GALNT13: variants seen among roughly 807,000 people sequenced by gnomAD.
GALNT13 encodes the protein polypeptide N-acetylgalactosaminyltransferase 13.
Under a neutral mutation model 64.2 loss-of-function variants are expected in GALNT13, and 28 were observed. The observed-to-expected ratio is 0.44, with a 90% confidence interval of 0.32 to 0.60. The LOEUF is 0.60. Among genes scored for constraint, GALNT13 ranks in the 20% least tolerant of loss-of-function variants. The pLI, the probability that GALNT13 is intolerant of heterozygous loss-of-function variation, is 0.05. For synonymous variants in GALNT13, 214 were observed against 224.6 expected (o/e 0.95, Z 0.42); for missense variants, 577 against 669.8 (o/e 0.86, Z 1.53).
At chr2:153,737,034 G>A in the GALNT13 span, among the ~76,000 whole-genome samples, 1 of 152,182 alleles carries the variant, frequency 6.6e-6, no homozygotes, top group Non-Finnish European at 1.5e-5. Context: ...ATTCTATGTT[G>A]TTCTATCATC....
At chr2:153,572,312 A>G in the GALNT13 span, among the ~76,000 whole-genome samples, 1 of 147,698 alleles carries the variant, frequency 6.8e-6, no homozygotes, top group African/African-American at 2.5e-5. Context: ...TCTGTTTTCA[A>G]CTCTGATTTT....
intron 3 of GALNT13, among the ~76,000 whole-genome samples, chr2:154,031,908 A>T (rs913833826): frequency 2.0e-5 from 3 of 152,100 alleles, no homozygotes; most frequent in Admixed American, 2.0e-4. Context: ...AATAAGCACG[A>T]TCAGCCAATT....
At chr2:153,411,268 T>G in the GALNT13 span, among the ~76,000 whole-genome samples, 11 of 151,932 alleles carry the variant, frequency 7.2e-5, no homozygotes, top group Non-Finnish European at 1.5e-5. Context: ...TGAATACCTG[T>G]TCCATGCCCA....
chr2:154,258,118 A>T (rs1479368712), intron 7 of GALNT13, among the ~76,000 whole-genome samples: 2 of 152,186 alleles, frequency 1.3e-5, no homozygotes, highest in African/African-American at 4.8e-5. Flanking sequence ...CATTGCCATT[A>T]TGGATCTATT....
the GALNT13 span, among the ~76,000 whole-genome samples, chr2:153,501,354 T>C: frequency 6.6e-6 from 1 of 152,100 alleles, no homozygotes; most frequent in Non-Finnish European, 1.5e-5. Context: ...TTTTTTGAGA[T>C]GGAGTCGCCC....
chr2:153,452,687 T>A, the GALNT13 span, among the ~76,000 whole-genome samples: 16 of 152,050 alleles, frequency 1.1e-4, no homozygotes, highest in African/African-American at 3.9e-4. Flanking sequence ...ACTGTTAAGA[T>A]GTTCATACTG....
At chr2:153,651,034 A>T in the GALNT13 span, among the ~76,000 whole-genome samples, 1 of 152,170 alleles carries the variant, frequency 6.6e-6, no homozygotes, top group Non-Finnish European at 1.5e-5. Flanking sequence ...ATGGGCATAA[A>T]GTCTGTTATT....
At chr2:153,643,984 T>C in the GALNT13 span, among the ~76,000 whole-genome samples, 1 of 151,970 alleles carries the variant, frequency 6.6e-6, no homozygotes, top group Non-Finnish European at 1.5e-5. Context: ...TAACATTCTC[T>C]TTAATATCAG....
At chr2:154,148,894 G>A (rs1288887446) in intron 4 of GALNT13, among the ~76,000 whole-genome samples, 7 of 152,020 alleles carry the variant, frequency 4.6e-5, no homozygotes, top group Non-Finnish European at 1.0e-4. Context: ...TCACTCTGAT[G>A]GTAGTTTCTT....
At chr2:154,206,378 GAA>G (rs1490438490) in intron 4 of GALNT13, among the ~76,000 whole-genome samples, 11 of 152,036 alleles carry the variant, frequency 7.2e-5, no homozygotes, top group African/African-American at 2.7e-4. Context: ...TATCTAGAGA[GAA>G]AGAGACAAAT....
At chr2:154,315,864 C>T (rs998751585) in intron 9 of GALNT13, among the ~76,000 whole-genome samples, 7 of 152,022 alleles carry the variant, frequency 4.6e-5, no homozygotes, top group Admixed American at 2.0e-4. Context: ...TGTATCAAAC[C>T]GGATCACAAG....
At chr2:153,807,957 A>G in the GALNT13 span, among the ~76,000 whole-genome samples, 1 of 152,128 alleles carries the variant, frequency 6.6e-6, no homozygotes, top group Admixed American at 6.5e-5. Context: ...ATAAATGCCT[A>G]GCTAAGTTAC....
At chr2:153,775,285 T>C in the GALNT13 span, among the ~76,000 whole-genome samples, 5 of 152,168 alleles carry the variant, frequency 3.3e-5, no homozygotes, top group Admixed American at 6.5e-5. Context: ...TTGGATACCA[T>C]ACATTGATAG....
chr2:153,281,599 C>T, the GALNT13 span, among the ~76,000 whole-genome samples: 1 of 152,090 alleles, frequency 6.6e-6, no homozygotes, highest in Non-Finnish European at 1.5e-5. Flanking sequence ...AAACAAATTC[C>T]CTTAGTTCTT....
At chr2:153,528,964 A>G in the GALNT13 span, among the ~76,000 whole-genome samples, 1 of 151,992 alleles carries the variant, frequency 6.6e-6, no homozygotes, top group Admixed American at 6.5e-5. Context: ...ACTTACATCA[A>G]AAAAATTAGA....
At chr2:153,224,193 A>G in the GALNT13 span, among the ~76,000 whole-genome samples, 2 of 152,214 alleles carry the variant, frequency 1.3e-5, no homozygotes, top group African/African-American at 4.8e-5. Context: ...GGCCATTATC[A>G]TAGGTGAATA....
At chr2:153,747,906 C>T in the GALNT13 span, among the ~76,000 whole-genome samples, 1 of 152,172 alleles carries the variant, frequency 6.6e-6, no homozygotes, top group South Asian at 2.1e-4. Flanking sequence ...ACCATTGTGT[C>T]TATGTATCTG....
intron 3 of GALNT13, among the ~76,000 whole-genome samples, chr2:154,045,932 C>T (rs905852130): frequency 6.7e-6 from 1 of 149,786 alleles, no homozygotes; most frequent in East Asian, 1.9e-4. Context: ...TCTAGTAAGT[C>T]TTTTTTTTCC....
intron 4 of GALNT13, among the ~76,000 whole-genome samples, chr2:154,206,222 C>T (rs1687443476): frequency 2.0e-5 from 3 of 151,660 alleles, no homozygotes; most frequent in Admixed American, 1.3e-4. Flanking sequence ...AGGATGGTCT[C>T]GACCTCCTGA....
Sources: allele counts gnomAD v4.1 joint callset (sites outside exome capture counted in the v4.1 genomes callset), GRCh38; gene constraint gnomAD v4.1.1; transcripts MANE v1.5; gene names NCBI Gene and HGNC (gene_info 2026-07-23, HGNC 2026-07-21).